ARHGAP25: variants seen among roughly 807,000 people sequenced by gnomAD.
ARHGAP25 encodes Rho GTPase activating protein 25, also known as rho GTPase-activating protein 25.
In ARHGAP25, 34 loss-of-function variants were observed where a neutral mutation model predicts 71.0. The observed-to-expected ratio is 0.48, with a 90% CI of 0.36 to 0.64. The LOEUF (loss-of-function observed/expected upper bound fraction) is 0.64. ARHGAP25 is among the 30% of genes least tolerant of loss of function. The pLI is 0.00. For synonymous variants in ARHGAP25, 282 were observed against 296.5 expected, an observed-to-expected ratio of 0.95 and a Z score of 0.50; for missense variants, 706 against 805.1, an observed-to-expected ratio of 0.88 and a Z score of 1.49.
chr2:68,754,436 CT>C (rs1321580455), intron 1 of ARHGAP25, among the ~76,000 whole-genome samples: 1 of 152,086 alleles, frequency 6.6e-6, no homozygotes, highest in African/African-American at 2.4e-5. Flanking sequence ...TAGTTTTGTC[CT>C]TTTTATTGTT....
At chr2:68,732,191 G>T (rs1675039480), upstream of ARHGAP25, among the ~76,000 whole-genome samples, 1 of 152,174 alleles carries the variant, frequency 6.6e-6, no homozygotes, top group Admixed American at 6.5e-5. Context: ...GGGGAAGGCT[G>T]CTGTGTTGGG....
At chr2:68,770,726 A>G (rs1317600515) in intron 1 of ARHGAP25, among the ~76,000 whole-genome samples, 2 of 152,192 alleles carry the variant, frequency 1.3e-5, no homozygotes, top group African/African-American at 4.8e-5. Flanking sequence ...CCAACAGTCC[A>G]GTCATACAAC....
In ARHGAP25 at chr2:68,711,683, C is replaced by A. The variant is rs4854494; in HGVS notation, c.-18+985C>A. 1.7e-4 allele frequency among the ~76,000 whole-genome samples: 25 copies of A among 143,070 alleles called. No individual in the cohort carries two copies. In the East Asian group the frequency reaches 3.0e-3, roughly 17 times the overall value. 93.9% of individuals were successfully genotyped at this position (143,070 alleles called of 152,430 possible). A position where few individuals can be genotyped will look rare whatever the true frequency, so the allele number is the denominator to read the frequency against. On this transcript the variant is annotated intron_variant and NMD_transcript_variant, in intron 2 of 7. Transcript: ENST00000463483. Reference sequence around the variant, plus strand: ...ATCCCTCCCCCAGCCACCCACCCCCCGCAGGCCCCAGTGTGTGATGTTCCC... The same window carrying A: ...ATCCCTCCCCCAGCCACCCACCCCCAGCAGGCCCCAGTGTGTGATGTTCCC...
intron 1 of ARHGAP25, among the ~76,000 whole-genome samples, chr2:68,766,766 C>T (rs1355929284): frequency 6.6e-6 from 1 of 152,100 alleles, no homozygotes. Context: ...CTCTCCCTCT[C>T]TCTTGTTCTC....
intron 2 of ARHGAP25, among the ~76,000 whole-genome samples, chr2:68,722,554 G>C (rs888170355): frequency 6.8e-6 from 1 of 147,546 alleles, no homozygotes. Flanking sequence ...CTCCAGCTTG[G>C]ATGACAGAGC....
At chr2:68,789,431 G>A (rs1679010065) in intron 4 of ARHGAP25, among the ~76,000 whole-genome samples, 1 of 152,216 alleles carries the variant, frequency 6.6e-6, no homozygotes, top group East Asian at 1.9e-4. Context: ...TTGCTGGTTA[G>A]ATACATTAGC....
At chr2:68,806,721 A>G (rs1354752567) in intron 4 of ARHGAP25, among the ~76,000 whole-genome samples, 1 of 152,242 alleles carries the variant, frequency 6.6e-6, no homozygotes, top group Non-Finnish European at 1.5e-5. Flanking sequence ...TTTGCATTTA[A>G]TATTTTCAGA....
rs567295639 is a variant in ARHGAP25 at position 68,747,995 on chromosome 2, C to T, written c.61+12735C>T. ...GTATTTTCTGCACAGTGGCCAGACTCGACATCTTTTAAAAGTGGAAATCAA... is the reference window on the plus strand; with the variant it reads ...GTATTTTCTGCACAGTGGCCAGACTTGACATCTTTTAAAAGTGGAAATCAA... On this transcript the variant is annotated intron_variant, in intron 1 of 10. Coordinates refer to ENST00000409202, the MANE Select transcript of ARHGAP25 (RefSeq NM_001007231.3). Among the ~76,000 whole-genome samples, 4 of 152,290 alleles carry T rather than the reference C, an allele frequency of 2.6e-5. No homozygotes were observed. In the South Asian group the frequency reaches 8.3e-4, roughly 32 times the overall value.
intron 2 of ARHGAP25, among the ~76,000 whole-genome samples, chr2:68,777,886 A>C (rs921678242): frequency 3.3e-5 from 5 of 152,202 alleles, no homozygotes; most frequent in Admixed American, 2.0e-4. Context: ...CTCCACTTTC[A>C]GCCTTCCCTA....
At chr2:68,770,779 G>C (rs1387618683) in intron 1 of ARHGAP25, among the ~76,000 whole-genome samples, 1 of 152,116 alleles carries the variant, frequency 6.6e-6, no homozygotes, top group Non-Finnish European at 1.5e-5. Context: ...ATATGAAATA[G>C]CTCCCTACTA....
At chr2:68,789,576 A>G (rs974884042) in intron 4 of ARHGAP25, among the ~76,000 whole-genome samples, 3 of 152,130 alleles carry the variant, frequency 2.0e-5, no homozygotes, top group Admixed American at 6.5e-5. Flanking sequence ...TAATTAGGCC[A>G]CATGCTGGAA....
At chr2:68,811,929 G>A (rs1680855868) in intron 5 of ARHGAP25, among the ~76,000 whole-genome samples, 1 of 152,154 alleles carries the variant, frequency 6.6e-6, no homozygotes, top group Non-Finnish European at 1.5e-5. Context: ...GATGCTACCA[G>A]GGCTGCTACC....
Position 68,787,876 on chromosome 2 carries a change from A to T in ARHGAP25, c.386A>T (p.Tyr129Phe). ...CAGAATCGCATGGGACAGGACTCCT[A>T]TGTCCTCATGGCCAGCTCTCAGGCG... ...WDQNRMGQDS[Y>F]VLMASSQAEM... is the part of the protein sequence containing the mutation. The change falls in exon 4 of 11, where the codon TAT becomes TTT. Residue 129 changes from tyrosine (Y) to phenylalanine (F), a missense_variant. Physicochemically the swap from Tyr to Phe is conservative, Grantham distance 22. Coordinates refer to ENST00000409202, the MANE Select transcript of ARHGAP25 (RefSeq NM_001007231.3). 1 of 1,614,138 alleles carries T rather than the reference A, an allele frequency of 6.2e-7. No homozygotes were observed. Among genetic ancestry groups the T allele is most frequent in the Non-Finnish European group, 8.5e-7 (1 of 1,180,014 alleles).
chr2:68,775,139 G>A (rs1422850546), intron 1 of ARHGAP25, 82 bp from the exon 2 acceptor site: 1 of 1,610,466 alleles, frequency 6.2e-7, no homozygotes, highest in East Asian at 2.2e-5. Flanking sequence ...GCCCCCTCTG[G>A]GGTTCCTCTC....
exon 2 of ARHGAP25, chr2:68,710,589 C>G (rs1429294475): frequency 2.0e-5 from 3 of 152,186 alleles, no homozygotes; most frequent in African/African-American, 4.8e-5. Context: ...GTTGTTCCAG[C>G]TAAAGGACAC....
chr2:68,801,380 C>T (rs1679950506), intron 4 of ARHGAP25, among the ~76,000 whole-genome samples: 1 of 152,166 alleles, frequency 6.6e-6, no homozygotes, highest in Non-Finnish European at 1.5e-5. Flanking sequence ...AGGCTAAAAG[C>T]ATCTGATGAG....
chr2:68,739,401 C>G (rs1675399319), intron 1 of ARHGAP25, among the ~76,000 whole-genome samples: 1 of 152,186 alleles, frequency 6.6e-6, no homozygotes, highest in Non-Finnish European at 1.5e-5. Flanking sequence ...AGTTATGAAG[C>G]ATCTTCATGT....
At chr2:68,749,472 G>T (rs4068868) in intron 1 of ARHGAP25, among the ~76,000 whole-genome samples, 46,829 of 152,002 alleles carry the variant, frequency 0.31, 7,624 homozygotes, top group South Asian at 0.43. Flanking sequence ...TTCAAGCCTA[G>T]ATTCCACTGT....
chr2:68,770,867 AT>A (rs978668913), intron 1 of ARHGAP25, among the ~76,000 whole-genome samples: 1 of 151,978 alleles, frequency 6.6e-6, no homozygotes, highest in African/African-American at 2.4e-5. Flanking sequence ...TGATTTCTCT[AT>A]TTGATAAAAT....
Sources: gnomAD v4.1 joint callset for allele counts (sites outside exome capture counted in the v4.1 genomes callset) on GRCh38, gnomAD v4.1.1 for gene constraint, MANE v1.5 for transcripts, NCBI Gene and HGNC (gene_info 2026-07-23, HGNC 2026-07-21) for gene names.